Variants in SLC14A1 observed in about 807,000 individuals in gnomAD.
SLC14A1 encodes the protein solute carrier family 14 member 1 (Kidd blood group).
A neutral mutation model predicts 39.6 loss-of-function variants in SLC14A1; 36 were observed. The ratio of observed to expected loss-of-function variants is 0.91; its 90% CI spans 0.70 to 1.20. The LOEUF (loss-of-function observed/expected upper bound fraction) is 1.20. SLC14A1 is among the 50% of genes most tolerant of loss of function. The pLI is 0.00. For synonymous variants in SLC14A1, 164 were observed against 173.6 expected (o/e 0.94, Z 0.43); for missense variants, 469 against 478.7 (o/e 0.98, Z 0.19).
In SLC14A1 at chr18:45,751,786, AAATTAATTAATT is replaced by A; in HGVS notation, c.*1852_*1863del. The A allele has an allele frequency of 1.2e-6, 1 of 831,442 alleles. No individual in the cohort carries two copies. The highest frequency in any genetic ancestry group is 1.4e-6 in the Non-Finnish European group (1 of 694,050). The allele number at this position is 831,442 out of a possible 1,614,324, so 51.5% of individuals were successfully genotyped here. A position where few individuals can be genotyped will look rare whatever the true frequency, so the allele number is the denominator to read the frequency against. ...GACCGAGCAAGACCCTATCTCAAAAAAATTAATTAATTAATTAATTAATTAATTTAAAAAGGA... is the reference window on the plus strand; with the variant it reads ...GACCGAGCAAGACCCTATCTCAAAAAAATTAATTAATTAATTTAAAAAGGA... On this transcript the variant is annotated 3_prime_UTR_variant, in exon 10 of 10. Transcript: ENST00000321925.
At chr18:45,728,241 T>C (rs2046928338) in intron 2 of SLC14A1, among the ~76,000 whole-genome samples, 1 of 152,220 alleles carries the variant, frequency 6.6e-6, no homozygotes, top group Non-Finnish European at 1.5e-5. Flanking sequence ...AGGTTTCGAA[T>C]CTGTATCTCC....
intron 6 of SLC14A1, 142 bp downstream of exon 6, chr18:45,736,790 A>G (rs2047210361): frequency 2.6e-6 from 2 of 757,894 alleles, no homozygotes; most frequent in African/African-American, 1.7e-5. Context: ...CATTTAAAGC[A>G]TTTGTTCTAC....
chr18:45,725,658 T>C (rs1348165012), intron 2 of SLC14A1, among the ~76,000 whole-genome samples: 3 of 152,162 alleles, frequency 2.0e-5, no homozygotes, highest in Admixed American at 2.0e-4. Context: ...GAACCGAACC[T>C]TGGGTGGCAT....
In SLC14A1 at chr18:45,750,894, T is replaced by G. The variant is rs186852113; in HGVS notation, c.*943T>G. On this transcript the variant is annotated 3_prime_UTR_variant, in exon 10 of 10. Transcript: ENST00000321925. ...TTTAAAATCATATTTTTTATTCATT[T>G]GAGGATGTCTTATAAAGACTGAAGG... 3,743 of 985,278 alleles carry G rather than the reference T, an allele frequency of 3.8e-3. 7 individuals are homozygous for G. The highest frequency in any genetic ancestry group is 6.6e-3 in the South Asian group (140 of 21,282). The allele number at this position is 985,278 out of a possible 1,614,324, so 61.0% of individuals were successfully genotyped here.
At chr18:45,742,445 C>T (rs12962485) in intron 8 of SLC14A1, among the ~76,000 whole-genome samples, 38,701 of 146,840 alleles carry the variant, frequency 0.26, 6,478 homozygotes, top group Non-Finnish European at 0.37. Context: ...CTGCAACCTC[C>T]GACTCCCTGG....
At position 45,752,296 on chromosome 18, in the gene SLC14A1, G is replaced by T. The variant is rs79287813; in HGVS notation, c.*2345G>T. 28 of 939,392 alleles carry T rather than the reference G, an allele frequency of 3.0e-5. No homozygotes were observed. Among genetic ancestry groups the T allele is most frequent in the Non-Finnish European group, 3.4e-5 (27 of 788,084 alleles). The allele number at this position is 939,392 out of a possible 1,614,324, so 58.2% of individuals were successfully genotyped here. On this transcript the variant is annotated 3_prime_UTR_variant, in exon 10 of 10. Coordinates refer to ENST00000321925, the MANE Select transcript of SLC14A1 (RefSeq NM_015865.7). Reference sequence around the variant, plus strand: ...GAGGCCTCTAAAATGGACCCGAGTCGATCTTCAGAACAGGGATCTACCATG... The same window carrying T: ...GAGGCCTCTAAAATGGACCCGAGTCTATCTTCAGAACAGGGATCTACCATG...
At chr18:45,727,475 C>G (rs2046903066) in intron 2 of SLC14A1, 1 of 1,501,728 alleles carries the variant, frequency 6.7e-7, no homozygotes, top group South Asian at 1.3e-5. Flanking sequence ...GCTCCAAACT[C>G]TGGTGTATCT....
intron 4 of SLC14A1, 93 bp from the exon 5 acceptor site, chr18:45,734,181 T>G: frequency 6.8e-7 from 1 of 1,467,794 alleles, no homozygotes; most frequent in Non-Finnish European, 9.5e-7. Flanking sequence ...TTTTTTAATA[T>G]GAATATGATC....
At chr18:45,734,161 TATA>T in intron 4 of SLC14A1, 110 bp from the exon 5 acceptor site, 1 of 1,368,406 alleles carries the variant, frequency 7.3e-7, no homozygotes, top group Non-Finnish European at 1.0e-6. Flanking sequence ...CATTTCCAAA[TATA>T]ATCTCATTTT....
Position 45,752,173 on chromosome 18 carries a change from GT to G in SLC14A1, c.*2224del. 1 of 985,298 alleles carries G rather than the reference GT, an allele frequency of 1.0e-6. No homozygotes were observed. The highest frequency in any genetic ancestry group is 1.7e-5 in the African/African-American group (1 of 57,308). The allele number at this position is 985,298 out of a possible 1,614,324, so 61.0% of individuals were successfully genotyped here. A position where few individuals can be genotyped will look rare whatever the true frequency, so the allele number is the denominator to read the frequency against. ...CAGTGTTTGAACTGAACCCTTTCTT[GT>G]TAGGGAACGTGTGAAAGAAGAATTG... On this transcript the variant is annotated 3_prime_UTR_variant, in exon 10 of 10. Coordinates refer to ENST00000321925, the MANE Select transcript of SLC14A1 (RefSeq NM_015865.7).
At chr18:45,732,181 T>G (rs1028245550) in intron 4 of SLC14A1, among the ~76,000 whole-genome samples, 1 of 152,248 alleles carries the variant, frequency 6.6e-6, no homozygotes, top group Admixed American at 6.5e-5. Flanking sequence ...CAGATATTAT[T>G]TAGAAGACAA....
At position 45,730,350 on chromosome 18, in the gene SLC14A1, G is replaced by A. The variant is rs2046991529; in HGVS notation, c.30G>A (p.Val10=). The A allele has an allele frequency of 1.2e-6, 2 of 1,613,396 alleles. No homozygotes were observed. Among genetic ancestry groups the A allele is most frequent in the Non-Finnish European group, 1.7e-6 (2 of 1,179,970 alleles). The change falls in exon 3 of 10, where the codon GTG becomes GTA. Residue 10 remains valine, a synonymous_variant. Coordinates refer to ENST00000321925, the MANE Select transcript of SLC14A1 (RefSeq NM_015865.7). The stretch of plus-strand genomic sequence containing the variant: ...AGGACAGCCCCACTATGGTTAGAGT[G>A]GACAGCCCCACTATGGTTAGGGGTG... MEDSPTMVR[V]DSPTMVRGEN...
chr18:45,731,096 G>C lies in SLC14A1; in HGVS notation c.233G>C (p.Gly78Ala). 1 of 1,614,178 alleles carries C rather than the reference G, an allele frequency of 6.2e-7. No individual in the cohort carries two copies. Among genetic ancestry groups the C allele is most frequent in the Non-Finnish European group, 8.5e-7 (1 of 1,180,014 alleles). ...GTGTTCGTCAACAACCCCGTCAGTG[G>C]AATCCTGATTCTGGTAGGACTTCTT... ...QVVFVNNPVS[G>A]ILILVGLLVQ... Residue 78 changes from glycine to alanine, a missense_variant, in exon 4 of 10, where the codon GGA becomes GCA. Coordinates refer to ENST00000321925, the MANE Select transcript of SLC14A1 (RefSeq NM_015865.7).
chr18:45,732,387 G>C (rs571119823), intron 4 of SLC14A1, among the ~76,000 whole-genome samples: 1 of 152,166 alleles, frequency 6.6e-6, no homozygotes, highest in Non-Finnish European at 1.5e-5. Flanking sequence ...CAGTTGTTGA[G>C]AGGACAAGTC....
Position 45,749,985 on chromosome 18 carries a change from C to A in SLC14A1, c.*34C>A. 6.2e-7 allele frequency: 1 copy of A among 1,614,048 alleles called. No individual in the cohort carries two copies. Among genetic ancestry groups the A allele is most frequent in the South Asian group, 1.1e-5 (1 of 91,048 alleles). On this transcript the variant is annotated 3_prime_UTR_variant, in exon 10 of 10. Coordinates refer to ENST00000321925, the MANE Select transcript of SLC14A1 (RefSeq NM_015865.7). ...CCCATTTGCAGCCATGGTCACGAGT[C>A]ATTTCTGCCTGACTGCTCCAGCTAA...
Position 45,734,328 on chromosome 18 carries a change from C to T in SLC14A1, c.396C>T (p.Leu132=). The T allele has an allele frequency of 6.2e-7, 1 of 1,613,968 alleles. No individual in the cohort carries two copies. Residue 132 remains leucine, a synonymous_variant, in exon 5 of 10, where the codon CTC becomes CTT. Coordinates refer to ENST00000321925, the MANE Select transcript of SLC14A1 (RefSeq NM_015865.7). ...YGYNATLVGV[L]MAVFSDKGDY... ...ACAATGCCACCCTGGTGGGAGTACT[C>T]ATGGCTGTCTTTTCGGACAAGGGAG...
At chr18:45,742,423 G>A (rs1468869375) in intron 8 of SLC14A1, among the ~76,000 whole-genome samples, 1 of 139,342 alleles carries the variant, frequency 7.2e-6, no homozygotes, top group Admixed American at 7.7e-5. Context: ...ACAGTGGCAC[G>A]ATCTTGGCTC....
chr18:45,739,790 AGT>A, intron 8 of SLC14A1, 128 bp downstream of exon 8: 1 of 1,232,376 alleles, frequency 8.1e-7, no homozygotes, highest in Non-Finnish European at 1.2e-6. Context: ...TTGCTGTCTA[AGT>A]GTGTGAACAG....
intron 8 of SLC14A1, 31 bp from the exon 9 acceptor site, chr18:45,748,345 A>T (rs753669513): frequency 1.9e-6 from 3 of 1,612,572 alleles, no homozygotes; most frequent in Non-Finnish European, 8.5e-7. Flanking sequence ...TCTACGAAGC[A>T]TTGTTCTTTC....
Sources: gnomAD v4.1 joint callset for allele counts (sites outside exome capture counted in the v4.1 genomes callset) on GRCh38, gnomAD v4.1.1 for gene constraint, MANE v1.5 for transcripts, NCBI Gene and HGNC (gene_info 2026-07-23, HGNC 2026-07-21) for gene names.